Variants in NOL4L observed in about 807,000 individuals in gnomAD.
The protein encoded by NOL4L is nucleolar protein 4 like, also known as nucleolar protein 4-like.
Under a neutral mutation model 64.5 loss-of-function variants are expected in NOL4L, and 7 were observed. The observed-to-expected ratio is 0.11, with a 90% CI of 0.06 to 0.20. The LOEUF is 0.20. NOL4L is among the 10% of genes least tolerant of loss of function. The pLI is 1.00. For missense variants in NOL4L, 680 were observed against 967.1 expected (o/e 0.70, Z 3.94); for synonymous variants, 413 against 401.0 (o/e 1.03, Z -0.36).
chr20:32,584,351 C>T (rs1421678233), intron 1 of NOL4L, among the ~76,000 whole-genome samples: 6 of 151,156 alleles, frequency 4.0e-5, no homozygotes, highest in African/African-American at 1.5e-4. Context: ...GCCCGGGCAG[C>T]GGCGCGGAGG....
At chr20:32,564,127 AG>A (rs1250497837) in intron 1 of NOL4L, among the ~76,000 whole-genome samples, 1 of 152,198 alleles carries the variant, frequency 6.6e-6, no homozygotes, top group Non-Finnish European at 1.5e-5. Flanking sequence ...GGCGGGCCCC[AG>A]GATGTCTGTC....
intron 1 of NOL4L, among the ~76,000 whole-genome samples, chr20:32,547,776 C>A (rs745485791): frequency 1.3e-5 from 2 of 152,152 alleles, no homozygotes; most frequent in Non-Finnish European, 2.9e-5. Context: ...GGATTTGAGG[C>A]CCCTGGAAGC....
chr20:32,536,329 G>A, intron 1 of NOL4L: 1 of 985,194 alleles, frequency 1.0e-6, no homozygotes, highest in Non-Finnish European at 1.2e-6. Context: ...CCCTGGGCGC[G>A]CTAACGAGCG....
rs754029037 is a variant in NOL4L at position 32,453,518 on chromosome 20, A to G, written c.1306-23T>C. 1 of 1,613,276 alleles carries G rather than the reference A, an allele frequency of 6.2e-7. No individual in the cohort carries two copies. The highest frequency in any genetic ancestry group is 1.7e-5 in the Admixed American group (1 of 60,016). On this transcript the variant is annotated intron_variant, in intron 7 of 10. Transcript: ENST00000621426. This position sits in a 1 kb window ranked among gnomAD's most constrained non-coding sequence, Gnocchi z 5.6. ...CATCTGTGGAGACACGGGCCATGGG[A>G]AGGGCTGGCCCTGGCCTTGCCCCCA...
At chr20:32,487,232 C>T (rs1218691057) in intron 4 of NOL4L, among the ~76,000 whole-genome samples, 1 of 152,162 alleles carries the variant, frequency 6.6e-6, no homozygotes. Context: ...CATACCGTTG[C>T]ACTCCAGCCT....
At position 32,527,866 on chromosome 20, in the gene NOL4L, G is replaced by A. The variant is rs764892730; in HGVS notation, c.369C>T (p.Val123=). Residue 123 remains valine, a synonymous_variant, in exon 2 of 11, where the codon GTC becomes GTT. Coordinates refer to ENST00000621426, the MANE Select transcript of NOL4L (RefSeq NM_001256798.2). ...TGTCAAAGAAATCTTCCACCACAGC[G>A]ACCCGCTTCAGAGAGATGCCCTCTG... The part of the protein sequence containing the change: ...SEPEGISLKR[V]AVVEDFFDII... 1.4e-5 allele frequency: 22 copies of A among 1,550,450 alleles called. No individual in the cohort carries two copies. The highest frequency in any genetic ancestry group is 8.3e-5 in the South Asian group (7 of 84,058).
intron 4 of NOL4L, among the ~76,000 whole-genome samples, chr20:32,502,732 G>A (rs1442533396): frequency 6.6e-6 from 1 of 151,880 alleles, no homozygotes. Flanking sequence ...CCAACATGGT[G>A]AAACCCCGTC....
At chr20:32,450,120 T>C (rs2012734334) in intron 10 of NOL4L, 1 of 152,206 alleles carries the variant, frequency 6.6e-6, no homozygotes, top group South Asian at 2.1e-4. Flanking sequence ...GAGCATGAGT[T>C]ACCCAGCACC....
At chr20:32,468,639 G>A (rs893552718) in intron 5 of NOL4L, among the ~76,000 whole-genome samples, 22 of 152,172 alleles carry the variant, frequency 1.4e-4, no homozygotes, top group South Asian at 6.2e-4. Flanking sequence ...GGTGGCTCAC[G>A]CCTGTAATCC....
Position 32,466,405 on chromosome 20 carries a change from C to A in NOL4L, c.841+8196G>T, listed in dbSNP as rs533669290. 9.0e-4 allele frequency among the ~76,000 whole-genome samples: 137 copies of A among 152,302 alleles called. 2 individuals are homozygous for A. Among genetic ancestry groups the A allele is most frequent in the African/African-American group, 2.9e-3 (119 of 41,568 alleles). On this transcript the variant is annotated intron_variant, in intron 5 of 10. Transcript: ENST00000621426. ...GGGATCTCTCGGTGCTGTCTCCCAG[C>A]GTCTCTCACCCCTTGGCGGGCCGGG... is the stretch of plus-strand genomic sequence containing the variant.
intron 4 of NOL4L, among the ~76,000 whole-genome samples, chr20:32,498,628 TG>T (rs1370740753): frequency 6.6e-6 from 1 of 150,908 alleles, no homozygotes; most frequent in East Asian, 2.0e-4. Flanking sequence ...CCAGGTGTGG[TG>T]GTGTGTGCCT....
rs749152465 is a variant in NOL4L, at chr20:32,447,768, G to A, written c.1871C>T (p.Thr624Ile). ...MKGGASTTST[T>I]PTPTPSSTST... ...GGTGCTGGAGGGGGTGGGCGTGGGG[G>A]TGGTGGAGGTGGTAGAGGCCCCGCC... The change falls in exon 11 of 11, where the codon ACC (threonine) becomes ATC (isoleucine). Residue 624 changes from threonine (T) to isoleucine (I), a missense_variant. Coordinates refer to ENST00000621426, the MANE Select transcript of NOL4L (RefSeq NM_001256798.2). The A allele has an allele frequency of 2.6e-5, 41 of 1,586,034 alleles. No homozygotes were observed. The highest frequency in any genetic ancestry group is 1.7e-4 in the Admixed American group (10 of 57,994).
intron 1 of NOL4L, 58 bp from the exon 2 acceptor site, chr20:32,527,971 G>A (rs2018196055): frequency 1.3e-6 from 2 of 1,508,246 alleles, no homozygotes; most frequent in Non-Finnish European, 1.8e-6. Flanking sequence ...GTGAGAACTG[G>A]GCCCTGAGGC....
At chr20:32,520,979 A>G in intron 2 of NOL4L, 57 bp from the exon 3 acceptor site, 1 of 1,187,562 alleles carries the variant, frequency 8.4e-7, no homozygotes, top group Non-Finnish European at 1.2e-6. Flanking sequence ...CAACTTGGCC[A>G]TGGGGTCACC....
At chr20:32,537,078 C>T in intron 1 of NOL4L, 1 of 985,184 alleles carries the variant, frequency 1.0e-6, no homozygotes, top group African/African-American at 1.7e-5. Flanking sequence ...CGGGACGCTG[C>T]CCACCTGTCC....
At chr20:32,465,497 G>T (rs1568615689) in intron 5 of NOL4L, among the ~76,000 whole-genome samples, 2 of 152,238 alleles carry the variant, frequency 1.3e-5, no homozygotes, top group Non-Finnish European at 2.9e-5. Flanking sequence ...GCGCTCCCAG[G>T]ATGAACTGCC....
At chr20:32,466,777 C>T (rs1166739304) in intron 5 of NOL4L, among the ~76,000 whole-genome samples, 1 of 152,194 alleles carries the variant, frequency 6.6e-6, no homozygotes, top group Admixed American at 6.5e-5. Context: ...GAAGGCTTGG[C>T]TTAAAAGCCC....
At chr20:32,465,051 C>T (rs1375689254) in intron 5 of NOL4L, 5 of 629,418 alleles carry the variant, frequency 7.9e-6, no homozygotes, top group Non-Finnish European at 1.2e-5. Flanking sequence ...GTTCCTGGCC[C>T]GTAGAGAGGT....
chr20:32,530,409 C>T (rs1299294037), intron 1 of NOL4L, among the ~76,000 whole-genome samples: 8 of 151,988 alleles, frequency 5.3e-5, no homozygotes, highest in African/African-American at 1.5e-4. Flanking sequence ...GGCATGGTGG[C>T]GGGAGCCTGT....
Sources: gnomAD v4.1 joint callset for allele counts (sites outside exome capture counted in the v4.1 genomes callset) on GRCh38, gnomAD v4.1.1 for gene constraint, Gnocchi (gnomAD v3.1) non-coding constraint, MANE v1.5 for transcripts, NCBI Gene and HGNC (gene_info 2026-07-23, HGNC 2026-07-21) for gene names.